CDH13: variants seen among roughly 807,000 people sequenced by gnomAD.
The protein encoded by CDH13 is cadherin-13.
In CDH13, 24 loss-of-function variants were observed where a neutral mutation model predicts 63.8. The ratio of observed to expected loss-of-function variants is 0.38; its 90% CI spans 0.27 to 0.53. The LOEUF (loss-of-function observed/expected upper bound fraction) is 0.53, where lower values mean the gene tolerates loss of function less well. Among genes scored for constraint, CDH13 ranks in the 20% least tolerant of loss-of-function variants. The pLI is 0.85. For missense variants in CDH13, 1,049 were observed against 903.1 expected, an observed-to-expected ratio of 1.16 and a Z score of -2.07; for synonymous variants, 503 against 355.3, an observed-to-expected ratio of 1.42 and a Z score of -4.67.
At chr16:82,657,030 C>T (rs1165148502) in intron 1 of CDH13, among the ~76,000 whole-genome samples, 1 of 150,538 alleles carries the variant, frequency 6.6e-6, no homozygotes, top group Non-Finnish European at 1.5e-5. Context: ...TTGGTGATTA[C>T]AAATAAAGCT....
intron 4 of CDH13, among the ~76,000 whole-genome samples, chr16:83,136,186 A>G (rs1222551872): frequency 3.3e-5 from 5 of 151,926 alleles, no homozygotes; most frequent in Non-Finnish European, 2.9e-5. Context: ...AAAAAAAAAA[A>G]AAAGAAATAG....
chr16:82,756,446 A>C (rs751277969), intron 1 of CDH13, among the ~76,000 whole-genome samples: 2 of 152,166 alleles, frequency 1.3e-5, no homozygotes, highest in African/African-American at 4.8e-5. Context: ...CTCATGTGCA[A>C]GCTGCTCCTT....
intron 3 of CDH13, among the ~76,000 whole-genome samples, chr16:83,095,182 A>C (rs1017743585): frequency 1.6e-4 from 24 of 152,358 alleles, no homozygotes; most frequent in African/African-American, 5.8e-4. Flanking sequence ...GCTGATGCCA[A>C]GCTACAAACA....
chr16:83,364,579 A>G (rs2091223846), intron 6 of CDH13, among the ~76,000 whole-genome samples: 1 of 152,174 alleles, frequency 6.6e-6, no homozygotes. Flanking sequence ...CTTTAAACTC[A>G]TAGGTTTTTA....
chr16:83,034,386 G>A lies in CDH13; in HGVS notation c.366+2168G>A, dbSNP rs138162532. ...GATGGCAACCTAAAAACGAATGTAC[G>A]GCACGTCAGTCATGTTTCAGAGGAA... On this transcript the variant is annotated intron_variant, in intron 3 of 13. Transcript: ENST00000567109. 2.7e-3 allele frequency among the ~76,000 whole-genome samples: 412 copies of A among 152,174 alleles called. 2 individuals carry two copies. Among genetic ancestry groups the A allele is most frequent in the Non-Finnish European group, 4.6e-3 (313 of 68,000 alleles).
At chr16:83,687,997 T>G (rs1277321296) in intron 10 of CDH13, among the ~76,000 whole-genome samples, 1 of 152,242 alleles carries the variant, frequency 6.6e-6, no homozygotes, top group Non-Finnish European at 1.5e-5. Context: ...CTGGATGCTT[T>G]TTAACTTTAC....
chr16:83,545,972 T>C (rs1038878185), intron 7 of CDH13, among the ~76,000 whole-genome samples: 2 of 152,192 alleles, frequency 1.3e-5, no homozygotes, highest in African/African-American at 2.4e-5. Flanking sequence ...CATAGAGCCA[T>C]TGTTCTAGCT....
At chr16:83,672,012 A>G (rs928969166) in intron 9 of CDH13, among the ~76,000 whole-genome samples, 5 of 152,158 alleles carry the variant, frequency 3.3e-5, no homozygotes, top group African/African-American at 9.7e-5. Context: ...TTTCTAGTGG[A>G]TGAAGCCATT....
chr16:83,212,770 C>G (rs142617651), intron 4 of CDH13, among the ~76,000 whole-genome samples: 28 of 152,228 alleles, frequency 1.8e-4, no homozygotes, highest in African/African-American at 6.7e-4. Context: ...TGTTAAAGCT[C>G]AGATTGCCAG....
chr16:83,338,548 C>A (rs971103370), intron 5 of CDH13, among the ~76,000 whole-genome samples: 2 of 152,196 alleles, frequency 1.3e-5, no homozygotes, highest in African/African-American at 4.8e-5. Context: ...AATTATCACA[C>A]CAATAGGTAA....
At chr16:82,710,552 A>AAATAG (rs60196638) in intron 1 of CDH13, among the ~76,000 whole-genome samples, 1 of 63,768 alleles carries the variant, frequency 1.6e-5, no homozygotes, top group Non-Finnish European at 3.0e-5. Flanking sequence ...AAAAAAAAAA[A>AAATAG]ATATATATAT....
At chr16:83,006,417 T>C (rs1307333891) in intron 2 of CDH13, among the ~76,000 whole-genome samples, 5 of 152,182 alleles carry the variant, frequency 3.3e-5, no homozygotes, top group Non-Finnish European at 4.4e-5. Context: ...TCCCCCAGAA[T>C]AGCTCCTCTC....
chr16:83,732,235 G>T (rs899217082), intron 10 of CDH13, among the ~76,000 whole-genome samples: 1 of 152,180 alleles, frequency 6.6e-6, no homozygotes, highest in African/African-American at 2.4e-5. Flanking sequence ...ACAGCTTAAT[G>T]GGATGGAGAG....
chr16:83,157,406 G>A (rs1490995480), intron 4 of CDH13, among the ~76,000 whole-genome samples: 1 of 152,072 alleles, frequency 6.6e-6, no homozygotes, highest in Non-Finnish European at 1.5e-5. Flanking sequence ...TTGGTCAATT[G>A]GATGAGTCAG....
At chr16:82,994,353 C>G (rs997629313) in intron 2 of CDH13, among the ~76,000 whole-genome samples, 5 of 152,144 alleles carry the variant, frequency 3.3e-5, no homozygotes, top group African/African-American at 1.2e-4. Flanking sequence ...TTCCATGTTG[C>G]TCTCTGATTC....
At chr16:83,441,498 G>A (rs10514570) in intron 6 of CDH13, among the ~76,000 whole-genome samples, 50,028 of 152,118 alleles carry the variant, frequency 0.33, 8,425 homozygotes, top group East Asian at 0.61. Flanking sequence ...TTTTTGGTCA[G>A]TGATATTTTC....
chr16:83,729,513 G>T (rs1210732875), intron 10 of CDH13, among the ~76,000 whole-genome samples: 1 of 152,176 alleles, frequency 6.6e-6, no homozygotes, highest in Non-Finnish European at 1.5e-5. Flanking sequence ...CTACTCCTAA[G>T]ACCCAGGTCA....
chr16:83,321,890 G>A (rs1487575099), intron 5 of CDH13, among the ~76,000 whole-genome samples: 1 of 152,162 alleles, frequency 6.6e-6, no homozygotes, highest in Non-Finnish European at 1.5e-5. Flanking sequence ...TTTTAAACAT[G>A]TGAGGACAAA....
rs4077622 is a variant in CDH13, at chr16:83,217,654, C to A, written c.636+157C>A. On this transcript the variant is annotated intron_variant, in intron 5 of 13. Coordinates refer to ENST00000567109, the MANE Select transcript of CDH13 (RefSeq NM_001257.5). Reference sequence around the variant, plus strand: ...GGAGCTGAAGTGGATGGAATTGAACCCTGACAGGGCAACAGTGGGGGGTCT... The same window carrying A: ...GGAGCTGAAGTGGATGGAATTGAACACTGACAGGGCAACAGTGGGGGGTCT... Among the ~76,000 whole-genome samples, 92,850 of 151,974 alleles carry A rather than the reference C, an allele frequency of 0.61. 29,031 individuals carry two copies. The highest frequency in any genetic ancestry group is 0.95 in the East Asian group (4,895 of 5,158).
Sources: gnomAD v4.1 joint callset for allele counts (sites outside exome capture counted in the v4.1 genomes callset) on GRCh38, gnomAD v4.1.1 for gene constraint, MANE v1.5 for transcripts, NCBI Gene and HGNC (gene_info 2026-07-23, HGNC 2026-07-21) for gene names.